CTNNA3: variants seen among roughly 807,000 people sequenced by gnomAD.
CTNNA3 encodes the protein catenin alpha-3.
CTNNA3 carries 76 observed loss-of-function variants against 95.7 expected under a neutral mutation model. The observed-to-expected ratio is 0.79, with a 90% confidence interval of 0.66 to 0.96. The LOEUF is 0.96. CTNNA3 is among the 40% of genes least tolerant of loss of function. The pLI is 0.00. For missense variants in CTNNA3, 1,191 were observed against 1,089.8 expected, an observed-to-expected ratio of 1.09 and a Z score of -1.31; for synonymous variants, 431 against 374.4, an observed-to-expected ratio of 1.15 and a Z score of -1.74.
At chr10:66,358,024 T>C (rs1318550947) in intron 12 of CTNNA3, among the ~76,000 whole-genome samples, 1 of 152,214 alleles carries the variant, frequency 6.6e-6, no homozygotes, top group Non-Finnish European at 1.5e-5. Flanking sequence ...GTTCATTAAA[T>C]GTATGTGCAT....
chr10:66,438,260 T>C (rs1017050438), intron 11 of CTNNA3, among the ~76,000 whole-genome samples: 4 of 152,186 alleles, frequency 2.6e-5, no homozygotes, highest in Admixed American at 6.5e-5. Flanking sequence ...TCAGAGCCAG[T>C]AGACAGAAAC....
In CTNNA3 at chr10:67,301,975, AAAAGAAAGAAAGAAAGAACGAAAGAACG is replaced by A. The variant is rs1840306822; in HGVS notation, c.580-82133_580-82106del. Among the ~76,000 whole-genome samples, 7 of 118,586 alleles carry A rather than the reference AAAAGAAAGAAAGAAAGAACGAAAGAACG, an allele frequency of 5.9e-5. 1 individual carries two copies. The highest frequency in any genetic ancestry group is 1.4e-4 in the African/African-American group (3 of 21,468). 77.8% of individuals were successfully genotyped at this position (118,586 alleles called of 152,430 possible). A position where few individuals can be genotyped will look rare whatever the true frequency, so the allele number is the denominator to read the frequency against. ...CAGAGCGAGACTCGTCAAGAAAGAA[AAAAGAAAGAAAGAAAGAACGAAAGAACG>A]AAAGAAAGAAAGAAAGAAAGAAAGA... On this transcript the variant is annotated intron_variant, in intron 5 of 17. Coordinates refer to ENST00000433211, the MANE Select transcript of CTNNA3 (RefSeq NM_013266.4).
chr10:67,431,597 A>C (rs1846114505), intron 5 of CTNNA3, among the ~76,000 whole-genome samples: 1 of 151,984 alleles, frequency 6.6e-6, no homozygotes. Flanking sequence ...AATGACAAGA[A>C]GATGCAGCCT....
intron 3 of CTNNA3, among the ~76,000 whole-genome samples, chr10:67,578,970 C>T (rs927558725): frequency 1.9e-4 from 25 of 134,168 alleles, no homozygotes; most frequent in African/African-American, 3.0e-4. Flanking sequence ...CCTTGCATCA[C>T]GATATAAAAC....
chr10:67,676,782 G>A (rs1219667136), intron 1 of CTNNA3, among the ~76,000 whole-genome samples: 3 of 152,128 alleles, frequency 2.0e-5, no homozygotes, highest in East Asian at 1.9e-4. Context: ...ATACCATTCC[G>A]GCAAATGTAT....
At chr10:67,318,426 T>C (rs765099389) in intron 5 of CTNNA3, among the ~76,000 whole-genome samples, 10 of 152,176 alleles carry the variant, frequency 6.6e-5, no homozygotes, top group Non-Finnish European at 1.5e-4. Flanking sequence ...CTGCAGTTAG[T>C]GGATGTTGGG....
intron 9 of CTNNA3, among the ~76,000 whole-genome samples, chr10:66,740,407 C>A (rs1209625871): frequency 6.6e-6 from 1 of 152,188 alleles, no homozygotes; most frequent in Non-Finnish European, 1.5e-5. Context: ...TTCAACTCCA[C>A]AGACAGACAT....
At chr10:66,757,788 A>T (rs1005311181) in intron 9 of CTNNA3, among the ~76,000 whole-genome samples, 1 of 152,128 alleles carries the variant, frequency 6.6e-6, no homozygotes, top group Admixed American at 6.6e-5. Flanking sequence ...TGCTACCTTT[A>T]TCCCTTTAAT....
chr10:65,952,296 A>G (rs1589165599), intron 17 of CTNNA3, among the ~76,000 whole-genome samples: 1 of 152,300 alleles, frequency 6.6e-6, no homozygotes, highest in East Asian at 1.9e-4. Flanking sequence ...TTTGAAGTAT[A>G]TCCTTTAAAT....
intron 9 of CTNNA3, among the ~76,000 whole-genome samples, chr10:66,715,719 C>A (rs1221440325): frequency 6.6e-6 from 1 of 151,960 alleles, no homozygotes; most frequent in African/African-American, 2.4e-5. Context: ...AAAATGAAAC[C>A]AGCTTAATTC....
intron 1 of CTNNA3, among the ~76,000 whole-genome samples, chr10:67,669,897 A>G (rs180906094): frequency 1.6e-3 from 245 of 152,324 alleles, no homozygotes; most frequent in Middle Eastern, 3.4e-3. Flanking sequence ...CATCCACGTT[A>G]ATAATTTATA....
At position 67,043,131 on chromosome 10, in the gene CTNNA3, C is replaced by CTTTTTTTT. The variant is rs1284606581; in HGVS notation, c.1047+137185_1047+137186insAAAAAAAA. 3.3e-5 allele frequency among the ~76,000 whole-genome samples: 2 copies of CTTTTTTTT among 60,210 alleles called. 1 individual carries two copies. The allele number at this position is 60,210 out of a possible 152,430, so 39.5% of individuals were successfully genotyped here. ...GATTTCATGCCTCAAGGCTCACTTTCTTTCTTTTTTTTTTTTTTTTTCTGT... is the reference window on the plus strand; with the variant it reads ...GATTTCATGCCTCAAGGCTCACTTTCTTTTTTTTTTTCTTTTTTTTTTTTTTTTTCTGT... On this transcript the variant is annotated intron_variant, in intron 7 of 17. Coordinates refer to ENST00000433211, the MANE Select transcript of CTNNA3 (RefSeq NM_013266.4).
In CTNNA3 at chr10:65,997,933, C is replaced by T. The variant is rs149088657; in HGVS notation, c.2160-9136G>A. On this transcript the variant is annotated intron_variant, in intron 15 of 17. Coordinates refer to ENST00000433211, the MANE Select transcript of CTNNA3 (RefSeq NM_013266.4). ...GGGAGGCTGAGGCAGGAGAATCGCT[C>T]GAACTCAGGAGGCAGAGGTTGCGGC... Among the ~76,000 whole-genome samples, 120 of 152,042 alleles carry T rather than the reference C, an allele frequency of 7.9e-4. 1 individual carries two copies. In the East Asian group the frequency reaches 0.022, roughly 27 times the overall value.
intron 2 of CTNNA3, among the ~76,000 whole-genome samples, chr10:67,630,018 C>G (rs569014101): frequency 2.6e-5 from 4 of 152,278 alleles, no homozygotes; most frequent in South Asian, 2.1e-4. Flanking sequence ...AATCATCCCC[C>G]AGAGGCAGAG....
intron 15 of CTNNA3, among the ~76,000 whole-genome samples, chr10:66,014,208 C>T (rs772512293): frequency 1.3e-4 from 20 of 151,760 alleles, no homozygotes; most frequent in Admixed American, 3.9e-4. Context: ...CCTACAGAAA[C>T]GTGTTTTGGG....
At chr10:66,069,851 TA>T (rs1330150565) in intron 14 of CTNNA3, among the ~76,000 whole-genome samples, 4 of 152,112 alleles carry the variant, frequency 2.6e-5, no homozygotes, top group Admixed American at 2.0e-4. Flanking sequence ...AAAGTGCGTA[TA>T]AAAAGGTGGA....
intron 5 of CTNNA3, among the ~76,000 whole-genome samples, chr10:67,301,861 C>A (rs551325934): frequency 6.6e-6 from 1 of 151,728 alleles, no homozygotes; most frequent in Non-Finnish European, 1.5e-5. Flanking sequence ...CCCAGCTAAT[C>A]GGGAGGCTGA....
chr10:66,386,458 T>C (rs1398667369), intron 11 of CTNNA3, among the ~76,000 whole-genome samples: 1 of 151,966 alleles, frequency 6.6e-6, no homozygotes, highest in Non-Finnish European at 1.5e-5. Flanking sequence ...ACACAAATAA[T>C]TGGAAGAACA....
chr10:65,936,648 C>T (rs2077343065), intron 17 of CTNNA3, among the ~76,000 whole-genome samples: 1 of 151,992 alleles, frequency 6.6e-6, no homozygotes, highest in South Asian at 2.1e-4. Flanking sequence ...AAACTTTCTC[C>T]CCAGCAGTGT....
Sources: gnomAD v4.1 joint callset for allele counts (sites outside exome capture counted in the v4.1 genomes callset) on GRCh38, gnomAD v4.1.1 for gene constraint, MANE v1.5 for transcripts, NCBI Gene and HGNC (gene_info 2026-07-23, HGNC 2026-07-21) for gene names.